The following ST18 variants were observed in gnomAD, a reference collection of about 807,000 sequenced individuals.
ST18 encodes the protein ST18 C2H2C-type zinc finger transcription factor.
Under a neutral mutation model 110.0 loss-of-function variants are expected in ST18, and 50 were observed. That is an observed-to-expected ratio of 0.45 (90% CI 0.36 to 0.58). The LOEUF (loss-of-function observed/expected upper bound fraction) is 0.58. Ranked by LOEUF, ST18 falls within the 20% of genes least tolerant of loss-of-function variation. ST18 has a pLI of 0.00. For missense variants in ST18, 1,306 were observed against 1,280.1 expected (o/e 1.02, Z -0.31); for synonymous variants, 461 against 452.4 (o/e 1.02, Z -0.24).
At chr8:52,179,979 T>C in intron 9 of ST18, 143 bp downstream of exon 9, 2 of 922,866 alleles carry the variant, frequency 2.2e-6, no homozygotes, top group East Asian at 2.4e-5. Flanking sequence ...GAATGTCAAG[T>C]AAAATAAATG....
rs1256927161 is a variant in ST18, at chr8:52,149,821, C to T, written c.1963G>A (p.Ala655Thr). 2 of 1,614,118 alleles carry T rather than the reference C, an allele frequency of 1.2e-6. No individual in the cohort carries two copies. Among genetic ancestry groups the T allele is most frequent in the South Asian group, 1.1e-5 (1 of 91,084 alleles). The change falls in exon 16 of 26, where the codon GCA (alanine) becomes ACA (threonine). Residue 655 changes from alanine (A) to threonine (T), a missense_variant. By Grantham distance (58) the Ala-to-Thr change is moderately conservative. Coordinates refer to ENST00000689386, the MANE Select transcript of ST18 (RefSeq NM_001352837.2). ...FKTSSILVNA[A>T]FYQALCDQEG... ...TGGTCACAAAGAGCCTGATAGAATGCTGCATTGACCAGAATGCTGCTTGTT... is the reference window on the plus strand; with the variant it reads ...TGGTCACAAAGAGCCTGATAGAATGTTGCATTGACCAGAATGCTGCTTGTT...
chr8:52,141,734 CT>C (rs1488472158), intron 17 of ST18, among the ~76,000 whole-genome samples: 10 of 152,118 alleles, frequency 6.6e-5, no homozygotes, highest in Admixed American at 6.5e-5. Flanking sequence ...AACAGCAACC[CT>C]AAGGCCCTGC....
chr8:52,387,079 C>T (rs6997688), intron 2 of ST18, among the ~76,000 whole-genome samples: 23,726 of 151,628 alleles, frequency 0.16, 3,174 homozygotes, highest in African/African-American at 0.36. Context: ...TTCTTCCTTC[C>T]TTCCTTTCCT....
At chr8:52,249,122 T>C (rs1451827779) in intron 2 of ST18, among the ~76,000 whole-genome samples, 1 of 152,176 alleles carries the variant, frequency 6.6e-6, no homozygotes, top group African/African-American at 2.4e-5. Flanking sequence ...CAAATTCAAG[T>C]TCACTCGCAT....
At chr8:52,338,398 T>C (rs1813215552) in intron 2 of ST18, among the ~76,000 whole-genome samples, 2 of 152,114 alleles carry the variant, frequency 1.3e-5, no homozygotes, top group Admixed American at 1.3e-4. Context: ...GGATTCCTAA[T>C]ACAAAATTAA....
At chr8:52,331,008 G>A (rs1483982407) in intron 2 of ST18, among the ~76,000 whole-genome samples, 2 of 152,184 alleles carry the variant, frequency 1.3e-5, no homozygotes, top group African/African-American at 2.4e-5. Context: ...GCACTTCCTG[G>A]TGAACTGGGT....
chr8:52,364,647 C>A (rs886285941), intron 2 of ST18, among the ~76,000 whole-genome samples: 1 of 152,152 alleles, frequency 6.6e-6, no homozygotes, highest in Admixed American at 6.5e-5. Context: ...AGAGGTATCA[C>A]CCACACATTG....
chr8:52,161,326 C>T (rs1490672146), intron 14 of ST18, 49 bp downstream of exon 14: 2 of 1,586,060 alleles, frequency 1.3e-6, no homozygotes, highest in Admixed American at 3.4e-5. Context: ...CACATACACC[C>T]ATACACAAGA....
At chr8:52,197,363 T>C (rs1216046619) in intron 8 of ST18, among the ~76,000 whole-genome samples, 1 of 152,204 alleles carries the variant, frequency 6.6e-6, no homozygotes, top group African/African-American at 2.4e-5. Flanking sequence ...ACTAAGTTCC[T>C]ATTTACGTTT....
rs10216349 is a variant in ST18 at position 52,186,883 on chromosome 8, C to T, written c.87-6571G>A. Among the ~76,000 whole-genome samples the T allele has an allele frequency of 5.3e-3, 806 of 152,190 alleles. 6 individuals carry two copies. Among genetic ancestry groups the T allele is most frequent in the African/African-American group, 0.018 (767 of 41,512 alleles). ...ATGATGACTTTTGTGAGGGTCACAG[C>T]TGTGGGAGGTATGAAGGAAATGGCT... On this transcript the variant is annotated intron_variant, in intron 8 of 25. Transcript: ENST00000689386.
chr8:52,130,167 A>G (rs78016044), intron 22 of ST18, among the ~76,000 whole-genome samples: 14,417 of 86,670 alleles, frequency 0.17, 1,240 homozygotes, highest in African/African-American at 0.33. Context: ...AAGAAAGAAA[A>G]AGAAAAGAAA....
At chr8:52,268,073 A>T (rs979968039) in intron 2 of ST18, among the ~76,000 whole-genome samples, 1 of 152,232 alleles carries the variant, frequency 6.6e-6, no homozygotes, top group Non-Finnish European at 1.5e-5. Context: ...AATAGAATGC[A>T]TTAGGAATGT....
chr8:52,117,940 A>G (rs2043144480), intron 24 of ST18, among the ~76,000 whole-genome samples: 1 of 152,210 alleles, frequency 6.6e-6, no homozygotes. Flanking sequence ...TCTAATAAAT[A>G]CTTACACATT....
intron 2 of ST18, among the ~76,000 whole-genome samples, chr8:52,248,021 A>C (rs73681231): frequency 0.069 from 10,513 of 152,146 alleles, 702 homozygotes; most frequent in African/African-American, 0.17. Context: ...CAAATTATAT[A>C]AACAAAATAA....
intron 23 of ST18, chr8:52,125,813 T>G (rs1425021977): frequency 2.4e-5 from 12 of 492,714 alleles, no homozygotes; most frequent in Admixed American, 1.1e-4. Context: ...TCTTAATCCA[T>G]CATACCCCAC....
intron 2 of ST18, among the ~76,000 whole-genome samples, chr8:52,309,148 AG>A (rs1211348704): frequency 5.3e-5 from 8 of 152,170 alleles, no homozygotes; most frequent in Admixed American, 2.6e-4. Flanking sequence ...GTAAATGCTG[AG>A]GGAGTGAGGG....
intron 19 of ST18, among the ~76,000 whole-genome samples, 191 bp downstream of exon 19, chr8:52,136,399 A>T (rs776050881): frequency 1.3e-5 from 2 of 152,230 alleles, no homozygotes; most frequent in Non-Finnish European, 2.9e-5. Flanking sequence ...GAAGCAAGCA[A>T]ATTAACTAAA....
intron 8 of ST18, among the ~76,000 whole-genome samples, chr8:52,184,794 A>C (rs2071337867): frequency 6.6e-6 from 1 of 152,204 alleles, no homozygotes; most frequent in Non-Finnish European, 1.5e-5. Flanking sequence ...AAAATGCAAA[A>C]ATAAACAGAG....
intron 2 of ST18, among the ~76,000 whole-genome samples, chr8:52,244,910 G>T (rs1027714544): frequency 6.6e-6 from 1 of 152,058 alleles, no homozygotes; most frequent in Non-Finnish European, 1.5e-5. Flanking sequence ...GGTATACACT[G>T]GTGTCTTTCA....
Sources: allele counts gnomAD v4.1 joint callset (sites outside exome capture counted in the v4.1 genomes callset), GRCh38; gene constraint gnomAD v4.1.1; transcripts MANE v1.5; gene names NCBI Gene and HGNC (gene_info 2026-07-23, HGNC 2026-07-21).